Variants in GABBR2 observed in about 807,000 individuals in gnomAD.
GABBR2 encodes G-protein coupled receptor 51.
A neutral mutation model predicts 105.6 loss-of-function variants in GABBR2; 23 were observed. That is an observed-to-expected ratio of 0.22 (90% confidence interval 0.16 to 0.31). The LOEUF is 0.31. Ranked by LOEUF, GABBR2 falls within the 10% of genes least tolerant of loss-of-function variation. The pLI, the probability that GABBR2 is intolerant of heterozygous loss-of-function variation, is 1.00. For synonymous variants in GABBR2, 478 were observed against 499.7 expected (o/e 0.96, Z 0.58); for missense variants, 734 against 1,245.5 (o/e 0.59, Z 6.18).
At chr9:98,393,137 T>C in intron 9 of GABBR2, among the ~76,000 whole-genome samples, 1 of 130,824 alleles carries the variant, frequency 7.6e-6, no homozygotes, top group South Asian at 2.7e-4. Flanking sequence ...CAACCATCCA[T>C]CCATCCACTC....
intron 7 of GABBR2, among the ~76,000 whole-genome samples, chr9:98,441,189 C>T (rs1212034260): frequency 6.6e-6 from 1 of 152,046 alleles, no homozygotes; most frequent in Non-Finnish European, 1.5e-5. Flanking sequence ...TTGCAAATAC[C>T]ATTATTTCCC....
At chr9:98,578,185 C>T in intron 1 of GABBR2, 113 bp from the exon 2 acceptor site, 2 of 1,218,230 alleles carry the variant, frequency 1.6e-6, no homozygotes, top group Non-Finnish European at 2.4e-6. Flanking sequence ...TTCAGTTCTC[C>T]CATGGTGGGG....
intron 12 of GABBR2, among the ~76,000 whole-genome samples, chr9:98,367,101 G>T (rs1323675257): frequency 6.6e-6 from 1 of 151,730 alleles, no homozygotes; most frequent in East Asian, 1.9e-4. Flanking sequence ...GCCTTCTTTT[G>T]CTTTAATGCT....
At chr9:98,457,326 T>C (rs1028238639) in intron 6 of GABBR2, among the ~76,000 whole-genome samples, 19 of 152,238 alleles carry the variant, frequency 1.2e-4, no homozygotes, top group African/African-American at 4.6e-4. Flanking sequence ...TCAAGGTTTC[T>C]ATGATCCTTT....
At chr9:98,689,219 C>G (rs1429492565) in intron 1 of GABBR2, among the ~76,000 whole-genome samples, 2 of 152,158 alleles carry the variant, frequency 1.3e-5, no homozygotes, top group African/African-American at 4.8e-5. Flanking sequence ...AGACACAAGA[C>G]AGTGGTGTAT....
At chr9:98,440,514 C>A (rs1826013086) in intron 7 of GABBR2, among the ~76,000 whole-genome samples, 1 of 152,110 alleles carries the variant, frequency 6.6e-6, no homozygotes, top group South Asian at 2.1e-4. Flanking sequence ...CCCCACTTCC[C>A]CCCTTCTACA....
At chr9:98,555,094 A>G (rs907715480) in intron 2 of GABBR2, among the ~76,000 whole-genome samples, 6 of 152,236 alleles carry the variant, frequency 3.9e-5, no homozygotes, top group African/African-American at 1.4e-4. Flanking sequence ...CAAGTGCCCA[A>G]TTAATGATGG....
intron 13 of GABBR2, among the ~76,000 whole-genome samples, chr9:98,344,708 C>A (rs1009922877): frequency 6.6e-6 from 1 of 152,176 alleles, no homozygotes; most frequent in African/African-American, 2.4e-5. Flanking sequence ...TCCTCCTGTG[C>A]GCATGGCTGT....
intron 2 of GABBR2, among the ~76,000 whole-genome samples, chr9:98,555,267 C>T (rs1481586661): frequency 6.6e-6 from 1 of 152,216 alleles, no homozygotes; most frequent in African/African-American, 2.4e-5. Context: ...ACCCATTTTA[C>T]AGATGAGAAG....
In GABBR2 at chr9:98,388,293, G is replaced by T. The variant is rs1464104473; in HGVS notation, c.1529+561C>A. On this transcript the variant is annotated intron_variant, in intron 10 of 18. Coordinates refer to ENST00000259455, the MANE Select transcript of GABBR2 (RefSeq NM_005458.8). The surrounding 1 kb of genome is among the most constrained non-coding windows in gnomAD (Gnocchi z 4.4). ...GCAGCACTCTGTCGCTGAACTTCAG[G>T]GCTTTTCTCTGTGAAATGAGGAGTT... 2.0e-5 allele frequency among the ~76,000 whole-genome samples: 3 copies of T among 152,142 alleles called. No individual in the cohort carries two copies. The highest frequency in any genetic ancestry group is 1.5e-5 in the Non-Finnish European group (1 of 68,032).
At chr9:98,381,941 G>A (rs921113253) in intron 11 of GABBR2, among the ~76,000 whole-genome samples, 7 of 152,150 alleles carry the variant, frequency 4.6e-5, no homozygotes, top group African/African-American at 1.7e-4. Flanking sequence ...TCCCTAGCCT[G>A]CGTCACCCTG....
chr9:98,550,614 T>C (rs12347864), intron 2 of GABBR2, among the ~76,000 whole-genome samples: 11,164 of 152,122 alleles, frequency 0.073, 819 homozygotes, highest in African/African-American at 0.19. Flanking sequence ...CTGAGTGTGA[T>C]TCAGACCCCT....
intron 13 of GABBR2, among the ~76,000 whole-genome samples, chr9:98,359,198 C>A (rs943309249): frequency 6.6e-6 from 1 of 152,136 alleles, no homozygotes; most frequent in Non-Finnish European, 1.5e-5. Context: ...GAGGCTGAGG[C>A]AGGTGGATCA....
At chr9:98,497,162 G>T (rs1310881558) in intron 3 of GABBR2, among the ~76,000 whole-genome samples, 1 of 152,216 alleles carries the variant, frequency 6.6e-6, no homozygotes, top group Non-Finnish European at 1.5e-5. Context: ...AGAGCTTTGG[G>T]AGGCCAAGAC....
At chr9:98,292,403 G>A (rs185696193) in intron 18 of GABBR2, among the ~76,000 whole-genome samples, 5 of 152,314 alleles carry the variant, frequency 3.3e-5, no homozygotes, top group African/African-American at 7.2e-5. Context: ...TGGTGGAGGC[G>A]AATCAACTCA....
intron 3 of GABBR2, among the ~76,000 whole-genome samples, chr9:98,526,912 G>A (rs1827972898): frequency 6.6e-6 from 1 of 151,888 alleles, no homozygotes; most frequent in South Asian, 2.1e-4. Flanking sequence ...CTTGAGATGA[G>A]GAGGAATATC....
At chr9:98,316,729 A>G (rs1830725422) in intron 13 of GABBR2, among the ~76,000 whole-genome samples, 1 of 152,194 alleles carries the variant, frequency 6.6e-6, no homozygotes, top group African/African-American at 2.4e-5. Context: ...CTGCCTTATC[A>G]TGAGTGACAA....
Position 98,480,820 on chromosome 9 carries a change from C to A in GABBR2, c.798+112G>T. 4.1e-6 allele frequency: 3 copies of A among 727,716 alleles called. No individual in the cohort carries two copies. In the Admixed American group the frequency reaches 5.6e-5, roughly 14 times the overall value. The allele number at this position is 727,716 out of a possible 1,614,324, so 45.1% of individuals were successfully genotyped here. On this transcript the variant is annotated intron_variant, in intron 5 of 18. Transcript: ENST00000259455. ...ACGCAACTCTTCTGCTTCCAGGAACCCAGGCTCCAGTCCTGTGATCCCACT... is the reference window on the plus strand; with the variant it reads ...ACGCAACTCTTCTGCTTCCAGGAACACAGGCTCCAGTCCTGTGATCCCACT...
intron 1 of GABBR2, among the ~76,000 whole-genome samples, chr9:98,644,703 A>G (rs543515531): frequency 6.6e-6 from 1 of 152,254 alleles, no homozygotes; most frequent in South Asian, 2.1e-4. Flanking sequence ...TTAGCTGGGC[A>G]TAGTGGCAGC....
Sources: allele counts gnomAD v4.1 joint callset (sites outside exome capture counted in the v4.1 genomes callset), GRCh38; gene constraint gnomAD v4.1.1; non-coding constraint Gnocchi (gnomAD v3.1); transcripts MANE v1.5; gene names NCBI Gene and HGNC (gene_info 2026-07-23, HGNC 2026-07-21).